The following HACD2 variants were observed in gnomAD, a reference collection of about 807,000 sequenced individuals.
HACD2 encodes the protein very-long-chain (3R)-3-hydroxyacyl-CoA dehydratase 2.
A neutral mutation model predicts 31.0 loss-of-function variants in HACD2; 15 were observed. That is an observed-to-expected ratio of 0.48 (90% confidence interval 0.32 to 0.75). The LOEUF (loss-of-function observed/expected upper bound fraction) is 0.75, where lower values mean the gene tolerates loss of function less well. HACD2 is among the 30% of genes least tolerant of loss of function. The pLI, the probability that HACD2 is intolerant of heterozygous loss-of-function variation, is 0.03. For missense variants in HACD2, 283 were observed against 313.0 expected, an observed-to-expected ratio of 0.90 and a Z score of 0.72; for synonymous variants, 115 against 122.2, an observed-to-expected ratio of 0.94 and a Z score of 0.39.
Position 123,493,036 on chromosome 3 carries a change from C to G in HACD2, c.*1852G>C, listed in dbSNP as rs1241574276. Reference sequence around the variant, plus strand: ...CTGCCTGCATTAAATTTTCAAACTTCTATAAAAATAAGCACTTAAAAATTT... The same window carrying G: ...CTGCCTGCATTAAATTTTCAAACTTGTATAAAAATAAGCACTTAAAAATTT... On this transcript the variant is annotated 3_prime_UTR_variant, in exon 7 of 7. Coordinates refer to ENST00000383657, the MANE Select transcript of HACD2 (RefSeq NM_198402.5). 1 of 152,202 alleles carries G rather than the reference C, an allele frequency of 6.6e-6. No individual in the cohort carries two copies. The highest frequency in any genetic ancestry group is 1.5e-5 in the Non-Finnish European group (1 of 68,026). 9.4% of individuals were successfully genotyped at this position (152,202 alleles called of 1,614,324 possible).
intron 4 of HACD2, among the ~76,000 whole-genome samples, chr3:123,525,286 A>G (rs1576749879): frequency 6.6e-6 from 1 of 152,188 alleles, no homozygotes. Flanking sequence ...GAGCATACGG[A>G]TCACAATTCT....
chr3:123,522,477 G>C (rs370255184), intron 4 of HACD2, among the ~76,000 whole-genome samples: 1 of 152,092 alleles, frequency 6.6e-6, no homozygotes, highest in Non-Finnish European at 1.5e-5. Flanking sequence ...AAAACACTGA[G>C]AGAAAAATAG....
Position 123,506,377 on chromosome 3 carries a change from C to T in HACD2, c.382-3696G>A, listed in dbSNP as rs149560725. Among the ~76,000 whole-genome samples, 313 of 152,268 alleles carry T rather than the reference C, an allele frequency of 2.1e-3. 1 individual carries two copies. Among genetic ancestry groups the T allele is most frequent in the African/African-American group, 7.1e-3 (294 of 41,558 alleles). On this transcript the variant is annotated intron_variant, in intron 4 of 6. Coordinates refer to ENST00000383657, the MANE Select transcript of HACD2 (RefSeq NM_198402.5). Reference sequence around the variant, plus strand: ...ACAGGGATGTGTGGAATCAATGCCCCTTAAATTGGATGATAACTTATATTT... The same window carrying T: ...ACAGGGATGTGTGGAATCAATGCCCTTTAAATTGGATGATAACTTATATTT...
rs182276579 is a variant in HACD2, at chr3:123,560,417, A to G, written c.292+7345T>C. On this transcript the variant is annotated intron_variant, in intron 3 of 6. Transcript: ENST00000383657. ...AAGGAGGGGAAGGTTGGATTTGGCA[A>G]CCTCCTACCCAGGCCTCCAATCTCC... Among the ~76,000 whole-genome samples the G allele has an allele frequency of 2.6e-4, 40 of 152,172 alleles. 1 individual carries two copies. In the East Asian group the frequency reaches 7.7e-3, roughly 29 times the overall value.
Position 123,510,932 on chromosome 3 carries a change from GTTTTTT to G in HACD2, c.382-8257_382-8252del, listed in dbSNP as rs67094405. ...AATTTCTCCACTGCTCATTTGCTGT[GTTTTTT>G]TTTTTTGTTTTTTTTTGTTTTTTTT... On this transcript the variant is annotated intron_variant, in intron 4 of 6. Transcript: ENST00000383657. Among the ~76,000 whole-genome samples, 3 of 142,642 alleles carry G rather than the reference GTTTTTT, an allele frequency of 2.1e-5. No homozygotes were observed. In the South Asian group the frequency reaches 6.6e-4, roughly 31 times the overall value. 93.6% of individuals were successfully genotyped at this position (142,642 alleles called of 152,430 possible). A position where few individuals can be genotyped will look rare whatever the true frequency, so the allele number is the denominator to read the frequency against.
chr3:123,494,997 G>A, intron 6 of HACD2, 27 bp from the exon 7 acceptor site: 1 of 1,430,592 alleles, frequency 7.0e-7, no homozygotes, highest in South Asian at 1.2e-5. Flanking sequence ...AATTGGTTAA[G>A]AGGATGGTTT....
At chr3:123,515,763 T>C (rs1482471784) in intron 4 of HACD2, among the ~76,000 whole-genome samples, 1 of 152,104 alleles carries the variant, frequency 6.6e-6, no homozygotes, top group Non-Finnish European at 1.5e-5. Flanking sequence ...TGGGGTTTTT[T>C]GTTTTTTTTT....
At chr3:123,504,899 TA>T (rs1559899726) in intron 4 of HACD2, among the ~76,000 whole-genome samples, 2 of 152,206 alleles carry the variant, frequency 1.3e-5, no homozygotes, top group Non-Finnish European at 2.9e-5. Context: ...ATGCATAACT[TA>T]AAACCAGCAT....
Position 123,494,938 on chromosome 3 carries a change from G to A in HACD2, c.715C>T (p.Gln239Ter), listed in dbSNP as rs1204732954. The stretch of plus-strand genomic sequence containing the variant: ...GTATGAGAAAGGATCTTTCTTCTCT[G>A]GTGTATCATGTGGAAGTATAACTGG... ...FPQLYFHMIHQRRKILSHTEE... is the reference protein window; with the variant it reads ...FPQLYFHMIH Residue 239 changes from glutamine (Q) to a stop codon, truncating the protein, a stop_gained, in exon 7 of 7, where the codon CAG (glutamine) becomes TAG (stop). Coordinates refer to ENST00000383657, the MANE Select transcript of HACD2 (RefSeq NM_198402.5). LOFTEE classifies it high-confidence loss of function. The A allele has an allele frequency of 1.3e-6, 2 of 1,560,026 alleles. No homozygotes were observed. The highest frequency in any genetic ancestry group is 1.7e-6 in the Non-Finnish European group (2 of 1,150,772).
chr3:123,512,840 T>C (rs1018481868), intron 4 of HACD2, among the ~76,000 whole-genome samples: 1 of 152,202 alleles, frequency 6.6e-6, no homozygotes, highest in African/African-American at 2.4e-5. Flanking sequence ...TATATGTGTG[T>C]GTATGTGTGT....
At chr3:123,513,178 T>C (rs1205896351) in intron 4 of HACD2, among the ~76,000 whole-genome samples, 1 of 152,194 alleles carries the variant, frequency 6.6e-6, no homozygotes, top group Non-Finnish European at 1.5e-5. Context: ...CTATAACCCA[T>C]TGAATTATAC....
At chr3:123,520,819 C>T (rs967052758) in intron 4 of HACD2, among the ~76,000 whole-genome samples, 2 of 152,112 alleles carry the variant, frequency 1.3e-5, no homozygotes, top group African/African-American at 2.4e-5. Flanking sequence ...CTTGTTTCCC[C>T]GTGTTATTCA....
rs58761061 is a variant in HACD2, at chr3:123,563,644, T to TACACACACAC, written c.292+4108_292+4117dup. Among the ~76,000 whole-genome samples the TACACACACAC allele has an allele frequency of 8.3e-4, 93 of 112,068 alleles. 1 individual carries two copies. Among genetic ancestry groups the TACACACACAC allele is most frequent in the Admixed American group, 1.8e-3 (22 of 12,522 alleles). The allele number at this position is 112,068 out of a possible 152,430, so 73.5% of individuals were successfully genotyped here. ...TTTTGAATTGACAAAAAAATATATA[T>TACACACACAC]ACACACACACACACACACACACACA... On this transcript the variant is annotated intron_variant, in intron 3 of 6. Transcript: ENST00000383657.
At chr3:123,534,196 G>C (rs2056398607) in intron 3 of HACD2, among the ~76,000 whole-genome samples, 1 of 152,110 alleles carries the variant, frequency 6.6e-6, no homozygotes, top group Admixed American at 6.6e-5. Flanking sequence ...CCTTCAGATG[G>C]GGCAGGTTAG....
rs550324314 is a variant in HACD2, at chr3:123,581,110, G to A, written c.273+1102C>T. Among the ~76,000 whole-genome samples, 19 of 152,176 alleles carry A rather than the reference G, an allele frequency of 1.2e-4. No individual in the cohort carries two copies. In the East Asian group the frequency reaches 1.9e-3, roughly 16 times the overall value. On this transcript the variant is annotated intron_variant, in intron 2 of 6. Coordinates refer to ENST00000383657, the MANE Select transcript of HACD2 (RefSeq NM_198402.5). ...GCTGGGATTACAGGCGTGAGCCACC[G>A]TGCCCAGCGAGATAAATGATTTTTT...
chr3:123,580,338 C>T (rs997156622), intron 2 of HACD2, among the ~76,000 whole-genome samples: 3 of 151,922 alleles, frequency 2.0e-5, no homozygotes, highest in Non-Finnish European at 4.4e-5. Context: ...GAGCCAGGCA[C>T]GGTAGTGCAC....
chr3:123,502,916 C>T, intron 4 of HACD2: 1 of 441,778 alleles, frequency 2.3e-6, no homozygotes, highest in Non-Finnish European at 4.1e-6. Context: ...GTGAGAGCAG[C>T]AGGGTGGGGG....
Position 123,503,708 on chromosome 3 carries a change from CAAA to C in HACD2, c.382-1030_382-1028del, listed in dbSNP as rs398038348. Among the ~76,000 whole-genome samples, 284 of 97,400 alleles carry C rather than the reference CAAA, an allele frequency of 2.9e-3. 2 individuals are homozygous for C. The highest frequency in any genetic ancestry group is 8.3e-3 in the African/African-American group (247 of 29,904). The allele number at this position is 97,400 out of a possible 152,430, so 63.9% of individuals were successfully genotyped here. Reference sequence around the variant, plus strand: ...CCAATTTATATTAGTTTCCATGCATCAAAAAAAAAAAAAAAAAAGACCGTCCAA... The same window carrying C: ...CCAATTTATATTAGTTTCCATGCATCAAAAAAAAAAAAAAAGACCGTCCAA... On this transcript the variant is annotated intron_variant, in intron 4 of 6. Coordinates refer to ENST00000383657, the MANE Select transcript of HACD2 (RefSeq NM_198402.5).
intron 1 of HACD2, among the ~76,000 whole-genome samples, chr3:123,582,715 T>C (rs1388291900): frequency 6.6e-6 from 1 of 152,112 alleles, no homozygotes; most frequent in Non-Finnish European, 1.5e-5. Context: ...GCCTGTGCAG[T>C]TAAAGGGTTT....
Sources: gnomAD v4.1 joint callset for allele counts (sites outside exome capture counted in the v4.1 genomes callset) on GRCh38, gnomAD v4.1.1 for gene constraint, MANE v1.5 for transcripts, NCBI Gene and HGNC (gene_info 2026-07-23, HGNC 2026-07-21) for gene names.